The following NOVA2 variants were observed in gnomAD, a reference collection of about 807,000 sequenced individuals.
The protein encoded by NOVA2 is RNA-binding protein Nova-2.
A neutral mutation model predicts 22.5 loss-of-function variants in NOVA2; 9 were observed. The observed-to-expected ratio is 0.40, with a 90% CI of 0.24 to 0.70. NOVA2 has a LOEUF of 0.70. NOVA2 is among the 30% of genes least tolerant of loss of function. NOVA2 has a pLI of 0.38. For synonymous variants in NOVA2, 318 were observed against 335.2 expected (o/e 0.95, Z 0.56); for missense variants, 383 against 682.8 (o/e 0.56, Z 4.89).
At position 45,939,054 on chromosome 19, in the gene NOVA2, G is replaced by C. The variant is rs1967700035; in HGVS notation, c.*809C>G. On this transcript the variant is annotated 3_prime_UTR_variant, in exon 4 of 4. Coordinates refer to ENST00000263257, the MANE Select transcript of NOVA2 (RefSeq NM_002516.4). Reference sequence around the variant, plus strand: ...GAAAGTACTCAGTGACATCACAACAGAGACCCTCATTGCCATTACTCTAAG... The same window carrying C: ...GAAAGTACTCAGTGACATCACAACACAGACCCTCATTGCCATTACTCTAAG... The C allele has an allele frequency of 6.6e-6, 1 of 152,238 alleles. No homozygotes were observed. Among genetic ancestry groups the C allele is most frequent in the Non-Finnish European group, 1.5e-5 (1 of 68,066 alleles). The allele number at this position is 152,238 out of a possible 1,614,324, so 9.4% of individuals were successfully genotyped here.
rs1219155478 is a variant in NOVA2 at position 45,964,067 on chromosome 19, AG to A, written c.86-2915del. Among the ~76,000 whole-genome samples the A allele has an allele frequency of 5.3e-5, 8 of 152,304 alleles. No homozygotes were observed. The East Asian group carries it at 1.5e-3, about 29-fold the overall frequency. On this transcript the variant is annotated intron_variant, in intron 1 of 3. Coordinates refer to ENST00000263257, the MANE Select transcript of NOVA2 (RefSeq NM_002516.4). ...TTTGCAATAAGCACTGGGAAAAGAA[AG>A]GGAGGAGTTAGGCCATCCTGCTTCC... is the stretch of plus-strand genomic sequence containing the variant.
At chr19:45,963,747 G>T (rs1224456105) in intron 1 of NOVA2, among the ~76,000 whole-genome samples, 3 of 152,086 alleles carry the variant, frequency 2.0e-5, no homozygotes, top group African/African-American at 7.2e-5. Flanking sequence ...GGCCAGGATG[G>T]TCTGGGTCAC....
At chr19:45,973,207 G>T in intron 1 of NOVA2, 60 bp downstream of exon 1, 2 of 934,394 alleles carry the variant, frequency 2.1e-6, no homozygotes, top group Non-Finnish European at 3.0e-6. Context: ...GGGGGGAAAG[G>T]ATGGAGAAAG....
chr19:45,954,472 T>C (rs185354450), intron 2 of NOVA2, among the ~76,000 whole-genome samples: 35 of 152,202 alleles, frequency 2.3e-4, no homozygotes, highest in African/African-American at 8.2e-4. Context: ...GCCTGCAGCG[T>C]TGGCCTCTGG....
chr19:45,959,360 T>C (rs1251032943), intron 2 of NOVA2, among the ~76,000 whole-genome samples: 2 of 152,130 alleles, frequency 1.3e-5, no homozygotes, highest in Non-Finnish European at 2.9e-5. Context: ...CTGGCTCCTG[T>C]TGCTTGTCTG....
In NOVA2 at chr19:45,962,072, G is replaced by C. The variant is rs759600729; in HGVS notation, c.86-919C>G. ...TGAGATGGAGCCATGGGAGGGATGTGGCCTGACTTAGGTTTTAGGAGGATT... is the reference window on the plus strand; with the variant it reads ...TGAGATGGAGCCATGGGAGGGATGTCGCCTGACTTAGGTTTTAGGAGGATT... On this transcript the variant is annotated intron_variant, in intron 1 of 3. Transcript: ENST00000263257. Among the ~76,000 whole-genome samples, 7 of 152,260 alleles carry C rather than the reference G, an allele frequency of 4.6e-5. No individual in the cohort carries two copies. The East Asian group carries it at 7.7e-4, about 17-fold the overall frequency.
intron 3 of NOVA2, among the ~76,000 whole-genome samples, chr19:45,943,717 CAAAAA>C (rs35569023): frequency 8.0e-6 from 1 of 125,260 alleles, no homozygotes; most frequent in African/African-American, 2.9e-5. Context: ...AACCCTGACT[CAAAAA>C]AAAAAAAAAG....
Position 45,950,613 on chromosome 19 carries a change from A to T in NOVA2, c.396+3167T>A, listed in dbSNP as rs567142380. Among the ~76,000 whole-genome samples, 32 of 152,358 alleles carry T rather than the reference A, an allele frequency of 2.1e-4. No individual in the cohort carries two copies. In the South Asian group the frequency reaches 6.4e-3, roughly 31 times the overall value. ...CAGATGCAGACTCATAGAATCTTGG[A>T]ATCCCAGGACATTAGAACAGTAGAA... On this transcript the variant is annotated intron_variant, in intron 3 of 3. Transcript: ENST00000263257.
chr19:45,971,780 G>A (rs1052320562), intron 1 of NOVA2, among the ~76,000 whole-genome samples: 2 of 152,050 alleles, frequency 1.3e-5, no homozygotes, highest in Non-Finnish European at 2.9e-5. Flanking sequence ...GGGCTTGTCC[G>A]CTGCGGGGTC....
intron 3 of NOVA2, among the ~76,000 whole-genome samples, chr19:45,949,862 G>A (rs1011515051): frequency 1.3e-5 from 2 of 148,636 alleles, no homozygotes; most frequent in African/African-American, 5.0e-5. Flanking sequence ...TGCCTCAGCC[G>A]CTGGGGTAGC....
At position 45,965,591 on chromosome 19, in the gene NOVA2, C is replaced by T. The variant is rs553935237; in HGVS notation, c.86-4438G>A. ...CTAAAACTACAAAAATTAGTCAGGCCTAGTGGCACATTCCTGTACTCCCAG... is the reference window on the plus strand; with the variant it reads ...CTAAAACTACAAAAATTAGTCAGGCTTAGTGGCACATTCCTGTACTCCCAG... On this transcript the variant is annotated intron_variant, in intron 1 of 3. Transcript: ENST00000263257. 5.9e-5 allele frequency among the ~76,000 whole-genome samples: 9 copies of T among 152,242 alleles called. No individual in the cohort carries two copies. The South Asian group carries it at 1.9e-3, about 32-fold the overall frequency.
chr19:45,965,028 G>C (rs1316509480), intron 1 of NOVA2, among the ~76,000 whole-genome samples: 2 of 152,104 alleles, frequency 1.3e-5, no homozygotes, highest in Non-Finnish European at 2.9e-5. Context: ...AGACCATTAA[G>C]CCTATTAGGT....
At chr19:45,963,133 G>GGAAGGC (rs1356563161) in intron 1 of NOVA2, among the ~76,000 whole-genome samples, 2 of 152,034 alleles carry the variant, frequency 1.3e-5, no homozygotes, top group Admixed American at 1.3e-4. Flanking sequence ...CCAGCACTGT[G>GGAAGGC]GAAGGCGGAG....
chr19:45,944,834 T>C (rs916415574), intron 3 of NOVA2, among the ~76,000 whole-genome samples: 4 of 152,248 alleles, frequency 2.6e-5, no homozygotes, highest in Non-Finnish European at 5.9e-5. Flanking sequence ...TTTTGGGTAA[T>C]AGATACTTTC....
chr19:45,939,951 G>A lies in NOVA2; in HGVS notation c.1391C>T (p.Ala464Val). The A allele has an allele frequency of 1.2e-6, 2 of 1,613,976 alleles. No homozygotes were observed. The highest frequency in any genetic ancestry group is 2.2e-5 in the East Asian group (1 of 44,870). The change falls in exon 4 of 4, where the codon GCG becomes GTG. Residue 464 changes from alanine (A) to valine (V), a missense_variant. By Grantham distance (64) the Ala-to-Val change is moderately conservative. Around this residue, in one of 2 missense-constraint regions of NOVA2, gnomAD observed 34 missense variants for 104.7 expected, o/e 0.32. Transcript: ENST00000263257. Reference protein sequence around the residue: ...NRRVTITGSPAATQAAQYLIS... With the variant: ...NRRVTITGSPVATQAAQYLIS... ...GAGGTATTGAGCGGCTTGCGTGGCC[G>A]CGGGGCTGCCCGTGATGGTGACCCG...
rs985894146 is a variant in NOVA2 at position 45,938,047 on chromosome 19, C to T, written c.*1816G>A. 4 of 152,214 alleles carry T rather than the reference C, an allele frequency of 2.6e-5. No individual in the cohort carries two copies. Among genetic ancestry groups the T allele is most frequent in the Middle Eastern group, 6.8e-3 (2 of 294 alleles). The allele number at this position is 152,214 out of a possible 1,614,324, so 9.4% of individuals were successfully genotyped here. On this transcript the variant is annotated 3_prime_UTR_variant, in exon 4 of 4. Transcript: ENST00000263257. The stretch of plus-strand genomic sequence containing the variant: ...GAGAGGGTGGGCATGGGGCGCCCCT[C>T]CCCCAGAGATGCTGATGATGGAACC...
rs186486194 is a variant in NOVA2, at chr19:45,934,208, A to T, written c.*5655T>A. The T allele has an allele frequency of 2.0e-5, 3 of 152,164 alleles. No individual in the cohort carries two copies. The highest frequency in any genetic ancestry group is 7.2e-5 in the African/African-American group (3 of 41,416). 9.4% of individuals were successfully genotyped at this position (152,164 alleles called of 1,614,324 possible). A position where few individuals can be genotyped will look rare whatever the true frequency, so the allele number is the denominator to read the frequency against. On this transcript the variant is annotated 3_prime_UTR_variant, in exon 4 of 4. Transcript: ENST00000263257. ...TCCAAGAGGGAGAACAAGCCTGGAG[A>T]GGAGGCTACCTTAAGGTCCTAAGAA...
chr19:45,939,860 G>GC lies in NOVA2; in HGVS notation c.*2dup. 1 of 1,614,020 alleles carries GC rather than the reference G, an allele frequency of 6.2e-7. No individual in the cohort carries two copies. Among genetic ancestry groups the GC allele is most frequent in the Non-Finnish European group, 8.5e-7 (1 of 1,179,954 alleles). ...AAAAGGGTGGGAGCACACACCACAG[G>GC]CCTCATCCCACTTTCTGGGGGTTTG... On this transcript the variant is annotated 3_prime_UTR_variant, in exon 4 of 4. Transcript: ENST00000263257.
At chr19:45,948,943 A>T (rs1043807740) in intron 3 of NOVA2, among the ~76,000 whole-genome samples, 1 of 152,236 alleles carries the variant, frequency 6.6e-6, no homozygotes, top group African/African-American at 2.4e-5. Context: ...ATGAAACATT[A>T]TTTGTCTATA....
Sources: allele counts gnomAD v4.1 joint callset (sites outside exome capture counted in the v4.1 genomes callset), GRCh38; gene constraint gnomAD v4.1.1; regional missense constraint gnomAD v4.1.1; transcripts MANE v1.5; gene names NCBI Gene and HGNC (gene_info 2026-07-23, HGNC 2026-07-21).